The following DCUN1D4 variants were observed in gnomAD, a reference collection of about 807,000 sequenced individuals.
DCUN1D4 encodes DCN1-like protein 4.
A neutral mutation model predicts 47.9 loss-of-function variants in DCUN1D4; 22 were observed. That is an observed-to-expected ratio of 0.46 (90% confidence interval 0.33 to 0.66). The LOEUF is 0.66. Ranked by LOEUF, DCUN1D4 falls within the 30% of genes least tolerant of loss-of-function variation. DCUN1D4 has a pLI of 0.02. For missense variants in DCUN1D4, 301 were observed against 340.8 expected, an observed-to-expected ratio of 0.88 and a Z score of 0.92; for synonymous variants, 121 against 112.2, an observed-to-expected ratio of 1.08 and a Z score of -0.50.
chr4:51,898,250 A>G (rs1731560095), intron 7 of DCUN1D4, among the ~76,000 whole-genome samples: 1 of 152,152 alleles, frequency 6.6e-6, no homozygotes. Flanking sequence ...TGGGGAACTG[A>G]GAGAGAGTGA....
At chr4:51,848,875 T>C (rs1390380503) in intron 1 of DCUN1D4, among the ~76,000 whole-genome samples, 1 of 152,190 alleles carries the variant, frequency 6.6e-6, no homozygotes, top group East Asian at 1.9e-4. Flanking sequence ...AAACACTAGA[T>C]ATGAAAAAGA....
intron 5 of DCUN1D4, among the ~76,000 whole-genome samples, chr4:51,878,327 G>T (rs943236439): frequency 6.6e-6 from 1 of 152,076 alleles, no homozygotes; most frequent in Non-Finnish European, 1.5e-5. Context: ...ACTATAATTG[G>T]TTGGGTAATA....
At chr4:51,858,860 A>C (rs961047035) in intron 1 of DCUN1D4, among the ~76,000 whole-genome samples, 3 of 152,234 alleles carry the variant, frequency 2.0e-5, no homozygotes, top group Admixed American at 6.5e-5. Flanking sequence ...TTGAGCTACT[A>C]TGGCAGTGTA....
chr4:51,903,804 A>C (rs531828494), intron 8 of DCUN1D4, among the ~76,000 whole-genome samples: 1 of 152,146 alleles, frequency 6.6e-6, no homozygotes, highest in African/African-American at 2.4e-5. Flanking sequence ...TTCAGATACT[A>C]TATTTTTCAT....
chr4:51,834,835 A>G, the DCUN1D4 span, among the ~76,000 whole-genome samples: 3 of 152,132 alleles, frequency 2.0e-5, no homozygotes, highest in African/African-American at 7.2e-5. Context: ...GCACAATGGC[A>G]ATCCTTTAAA....
At chr4:51,862,910 C>T (rs1725294955) in intron 1 of DCUN1D4, among the ~76,000 whole-genome samples, 2 of 152,068 alleles carry the variant, frequency 1.3e-5, no homozygotes, top group Non-Finnish European at 1.5e-5. Context: ...AGCTACCATG[C>T]AGGCTCAGGC....
At chr4:51,897,934 A>G (rs1731517396) in intron 7 of DCUN1D4, among the ~76,000 whole-genome samples, 1 of 152,230 alleles carries the variant, frequency 6.6e-6, no homozygotes, top group African/African-American at 2.4e-5. Context: ...TTCTTTATAG[A>G]AGAATTATAG....
the DCUN1D4 span, among the ~76,000 whole-genome samples, chr4:51,834,099 C>CTTTTTTTTTTTTTTT: frequency 2.4e-5 from 1 of 40,830 alleles, no homozygotes; most frequent in Non-Finnish European, 4.0e-5. Flanking sequence ...TTCTTTTCTT[C>CTTTTTTTTTTTTTTT]TTTCTTTTTT....
At chr4:51,836,046 G>C in the DCUN1D4 span, among the ~76,000 whole-genome samples, 1 of 152,104 alleles carries the variant, frequency 6.6e-6, no homozygotes, top group Non-Finnish European at 1.5e-5. Context: ...TTGAGTGCAG[G>C]CTCAGATGTC....
At position 51,900,873 on chromosome 4, in the gene DCUN1D4, TC is replaced by T. The variant is rs535505911; in HGVS notation, c.615+1497del. ...CCCAAATCAGCTCTATTTTCTAACT[TC>T]CTTGACTGGGGGAGTCACAGTTCTC... On this transcript the variant is annotated intron_variant, in intron 8 of 10. Coordinates refer to ENST00000334635, the MANE Select transcript of DCUN1D4 (RefSeq NM_001040402.3). Among the ~76,000 whole-genome samples the T allele has an allele frequency of 3.5e-3, 539 of 152,248 alleles. 4 individuals are homozygous for T. Among genetic ancestry groups the T allele is most frequent in the Non-Finnish European group, 4.6e-3 (313 of 68,018 alleles).
chr4:51,836,773 A>G, the DCUN1D4 span, among the ~76,000 whole-genome samples: 17 of 151,896 alleles, frequency 1.1e-4, no homozygotes, highest in African/African-American at 3.9e-4. Context: ...CCCATTTCCT[A>G]TTGCTGTCTG....
At chr4:51,881,938 TAGG>T (rs1395028474) in intron 5 of DCUN1D4, among the ~76,000 whole-genome samples, 3 of 151,958 alleles carry the variant, frequency 2.0e-5, no homozygotes, top group African/African-American at 7.3e-5. Flanking sequence ...GAGGCTGAGG[TAGG>T]AGGATCGTTT....
At chr4:51,907,144 G>A (rs910794848) in intron 8 of DCUN1D4, among the ~76,000 whole-genome samples, 1 of 152,174 alleles carries the variant, frequency 6.6e-6, no homozygotes, top group Non-Finnish European at 1.5e-5. Context: ...TTTTTTTAGA[G>A]TAGTGCTTAC....
intron 1 of DCUN1D4, among the ~76,000 whole-genome samples, chr4:51,853,996 G>T (rs74419342): frequency 0.014 from 2,119 of 152,304 alleles, 24 homozygotes; most frequent in Non-Finnish European, 0.02. Flanking sequence ...CAGGCACTGT[G>T]ATTATCCATT....
intron 1 of DCUN1D4, among the ~76,000 whole-genome samples, chr4:51,855,449 A>C (rs918874000): frequency 6.6e-6 from 1 of 152,186 alleles, no homozygotes; most frequent in Non-Finnish European, 1.5e-5. Context: ...CCACTGGGAG[A>C]TGGAGGTACT....
At chr4:51,834,626 G>T in the DCUN1D4 span, among the ~76,000 whole-genome samples, 1 of 152,036 alleles carries the variant, frequency 6.6e-6, no homozygotes, top group Non-Finnish European at 1.5e-5. Flanking sequence ...ACAAGTTTAG[G>T]GAACAAAGAG....
chr4:51,856,419 G>A (rs1724145084), intron 1 of DCUN1D4, among the ~76,000 whole-genome samples: 1 of 152,102 alleles, frequency 6.6e-6, no homozygotes, highest in Non-Finnish European at 1.5e-5. Flanking sequence ...TTCCCTGGGG[G>A]AAAAATGGTG....
chr4:51,878,070 G>A, intron 5 of DCUN1D4: 1 of 299,080 alleles, frequency 3.3e-6, no homozygotes. Context: ...CACTAGAAGG[G>A]AACTGAAAAG....
chr4:51,836,610 G>A, the DCUN1D4 span, among the ~76,000 whole-genome samples: 3 of 152,112 alleles, frequency 2.0e-5, no homozygotes, highest in African/African-American at 4.8e-5. Flanking sequence ...GCTGTAACCC[G>A]GTTGTAGGGT....
Sources: allele counts gnomAD v4.1 joint callset (sites outside exome capture counted in the v4.1 genomes callset), GRCh38; gene constraint gnomAD v4.1.1; transcripts MANE v1.5; gene names NCBI Gene and HGNC (gene_info 2026-07-23, HGNC 2026-07-21).